Variants in DSCAM observed in about 807,000 individuals in gnomAD.
The protein encoded by DSCAM is DS cell adhesion molecule, also known as cell adhesion molecule DSCAM.
In DSCAM, 47 loss-of-function variants were observed where a neutral mutation model predicts 217.7. That is an observed-to-expected ratio of 0.22 (90% CI 0.17 to 0.28). The LOEUF (loss-of-function observed/expected upper bound fraction) is 0.28. Among genes scored for constraint, DSCAM ranks in the 10% least tolerant of loss-of-function variants. DSCAM has a pLI of 1.00. For missense variants in DSCAM, 2,080 were observed against 2,618.3 expected (o/e 0.79, Z 4.49); for synonymous variants, 1,056 against 1,015.3 (o/e 1.04, Z -0.76).
chr21:40,631,781 T>C (rs183851314), intron 3 of DSCAM, among the ~76,000 whole-genome samples: 14 of 152,332 alleles, frequency 9.2e-5, no homozygotes, highest in Middle Eastern at 3.4e-3. Flanking sequence ...GCAACACATC[T>C]GATCTCTGTG....
At chr21:40,229,707 C>T (rs989128736) in intron 11 of DSCAM, among the ~76,000 whole-genome samples, 2 of 152,178 alleles carry the variant, frequency 1.3e-5, no homozygotes, top group Non-Finnish European at 2.9e-5. Flanking sequence ...ATTCTACTGT[C>T]GAGAGATGTA....
At chr21:40,526,355 T>G (rs1264093791) in intron 3 of DSCAM, among the ~76,000 whole-genome samples, 1 of 152,208 alleles carries the variant, frequency 6.6e-6, no homozygotes, top group African/African-American at 2.4e-5. Flanking sequence ...AGGCCAAGCC[T>G]TTCAGGGACA....
In DSCAM at chr21:40,518,509, AAT is replaced by A. The variant is rs1372091694; in HGVS notation, c.509-149266_509-149265del. Among the ~76,000 whole-genome samples the A allele has an allele frequency of 8.7e-4, 10 of 11,558 alleles. 1 individual carries two copies. The highest frequency in any genetic ancestry group is 5.8e-3 in the African/African-American group (8 of 1,374). The allele number at this position is 11,558 out of a possible 152,430, so 7.6% of individuals were successfully genotyped here. A position where few individuals can be genotyped will look rare whatever the true frequency, so the allele number is the denominator to read the frequency against. On this transcript the variant is annotated intron_variant, in intron 3 of 32. Transcript: ENST00000400454. ...TATATATATTATATATTATATATATAATATATATAATATATATTTTATATATA... is the reference window on the plus strand; with the variant it reads ...TATATATATTATATATTATATATATAATATATAATATATATTTTATATATA...
intron 1 of DSCAM, among the ~76,000 whole-genome samples, chr21:40,713,086 A>G (rs888597504): frequency 1.5e-4 from 23 of 152,228 alleles, no homozygotes; most frequent in African/African-American, 5.3e-4. Flanking sequence ...TTGTTCAACA[A>G]TGCTGGAAAT....
At chr21:40,028,433 C>A (rs1423279837) in intron 32 of DSCAM, among the ~76,000 whole-genome samples, 5 of 151,622 alleles carry the variant, frequency 3.3e-5, no homozygotes, top group Non-Finnish European at 5.9e-5. Flanking sequence ...CAATGGCGGG[C>A]CCCCCTCCCC....
chr21:40,699,903 G>A (rs2090637236), intron 2 of DSCAM, among the ~76,000 whole-genome samples: 1 of 152,288 alleles, frequency 6.6e-6, no homozygotes, highest in South Asian at 2.1e-4. Flanking sequence ...GAAGGTGGCT[G>A]CCCTAAACAA....
intron 1 of DSCAM, among the ~76,000 whole-genome samples, chr21:40,791,098 C>T (rs1410450276): frequency 6.6e-6 from 1 of 151,254 alleles, no homozygotes; most frequent in Non-Finnish European, 1.5e-5. Context: ...GCAGGAGAAT[C>T]GCTTGAACCC....
chr21:40,039,488 T>G (rs2088702556), intron 32 of DSCAM, among the ~76,000 whole-genome samples: 1 of 152,176 alleles, frequency 6.6e-6, no homozygotes, highest in African/African-American at 2.4e-5. Flanking sequence ...CAGTAAGGTT[T>G]ATGAAGCATC....
intron 3 of DSCAM, among the ~76,000 whole-genome samples, chr21:40,651,425 T>C (rs898601291): frequency 6.6e-6 from 1 of 152,168 alleles, no homozygotes; most frequent in Non-Finnish European, 1.5e-5. Context: ...GGCTTTGACA[T>C]ACCTTTATGA....
chr21:40,817,075 T>C (rs571407554), intron 1 of DSCAM, among the ~76,000 whole-genome samples: 4 of 139,034 alleles, frequency 2.9e-5, no homozygotes, highest in Non-Finnish European at 6.2e-5. Context: ...AGATATGCAG[T>C]AAATTAGATT....
At chr21:40,147,180 G>A (rs1279365727) in intron 16 of DSCAM, among the ~76,000 whole-genome samples, 2 of 152,220 alleles carry the variant, frequency 1.3e-5, no homozygotes, top group Admixed American at 6.5e-5. Context: ...GGGGGCTGTG[G>A]AGTCAGGTCA....
chr21:40,264,147 C>T (rs1188180255), intron 11 of DSCAM, among the ~76,000 whole-genome samples: 1 of 152,112 alleles, frequency 6.6e-6, no homozygotes, highest in Non-Finnish European at 1.5e-5. Flanking sequence ...GGTACCAATC[C>T]TTCTGAAATT....
intron 11 of DSCAM, among the ~76,000 whole-genome samples, chr21:40,230,813 A>T (rs1384586563): frequency 6.6e-6 from 1 of 151,924 alleles, no homozygotes; most frequent in East Asian, 1.9e-4. Context: ...ATAAGTTGTG[A>T]GGGTTGGGGA....
At chr21:40,259,857 T>C (rs1443866025) in intron 11 of DSCAM, among the ~76,000 whole-genome samples, 3 of 151,358 alleles carry the variant, frequency 2.0e-5, no homozygotes, top group Non-Finnish European at 4.4e-5. Context: ...CCTGTCTCCT[T>C]TGTTCGGTGT....
chr21:40,455,266 T>A (rs1459698041), intron 3 of DSCAM, among the ~76,000 whole-genome samples: 1 of 151,984 alleles, frequency 6.6e-6, no homozygotes, highest in African/African-American at 2.4e-5. Context: ...ACGAAATGTA[T>A]GGTCATGAAT....
At chr21:40,203,486 C>T (rs1215281539) in intron 11 of DSCAM, among the ~76,000 whole-genome samples, 1 of 152,216 alleles carries the variant, frequency 6.6e-6, no homozygotes. Context: ...TCACCCAGAG[C>T]CTTGTTTTCT....
At chr21:40,690,173 A>T (rs1014375643) in intron 3 of DSCAM, among the ~76,000 whole-genome samples, 2 of 152,214 alleles carry the variant, frequency 1.3e-5, no homozygotes, top group Middle Eastern at 3.2e-3. Context: ...CGTCACCTCC[A>T]GTGACTTCAT....
At chr21:40,118,251 G>T (rs1340428158) in intron 20 of DSCAM, among the ~76,000 whole-genome samples, 1 of 152,200 alleles carries the variant, frequency 6.6e-6, no homozygotes, top group Non-Finnish European at 1.5e-5. Flanking sequence ...CAGTGGGAAG[G>T]CTTCTGACTT....
chr21:40,156,124 T>C (rs2090473810), intron 16 of DSCAM, among the ~76,000 whole-genome samples: 1 of 151,488 alleles, frequency 6.6e-6, no homozygotes, highest in East Asian at 1.9e-4. Context: ...CCTTAAGTGA[T>C]GTAGGAGGAG....
Sources: allele counts gnomAD v4.1 joint callset (sites outside exome capture counted in the v4.1 genomes callset), GRCh38; gene constraint gnomAD v4.1.1; transcripts MANE v1.5; gene names NCBI Gene and HGNC (gene_info 2026-07-23, HGNC 2026-07-21).